CCDC102A: variants seen among roughly 807,000 people sequenced by gnomAD.
The protein encoded by CCDC102A is coiled-coil domain-containing protein 102A.
Under a neutral mutation model 55.5 loss-of-function variants are expected in CCDC102A, and 40 were observed. The observed-to-expected ratio is 0.72, with a 90% CI of 0.56 to 0.94. The LOEUF (loss-of-function observed/expected upper bound fraction) is 0.94. Among genes scored for constraint, CCDC102A ranks in the 40% least tolerant of loss-of-function variants. The pLI, the probability that CCDC102A is intolerant of heterozygous loss-of-function variation, is 0.00. For synonymous variants in CCDC102A, 323 were observed against 339.0 expected, an observed-to-expected ratio of 0.95 and a Z score of 0.52; for missense variants, 779 against 768.6, an observed-to-expected ratio of 1.01 and a Z score of -0.16.
chr16:57,517,508 T>C (rs1465031043), intron 6 of CCDC102A, among the ~76,000 whole-genome samples: 1 of 152,116 alleles, frequency 6.6e-6, no homozygotes, highest in Non-Finnish European at 1.5e-5. Context: ...AATGCTCGGC[T>C]AATTTTTGTA....
chr16:57,528,741 G>A lies in CCDC102A; in HGVS notation c.437C>T (p.Ala146Val), dbSNP rs1351856865. 2.1e-5 allele frequency: 25 copies of A among 1,171,684 alleles called. No individual in the cohort carries two copies. In the African/African-American group the frequency reaches 3.4e-4, roughly 16 times the overall value. The allele number at this position is 1,171,684 out of a possible 1,614,324, so 72.6% of individuals were successfully genotyped here. A position where few individuals can be genotyped will look rare whatever the true frequency, so the allele number is the denominator to read the frequency against. ...GCCCCGTGCCTCGCACTCGCCCTGC[G>A]CCTCTTGGCGCTCGCGCCGTGCGCC... is the stretch of plus-strand genomic sequence containing the variant. ...LAGARRERQE[A>V]QGECEARGRE... Residue 146 changes from alanine to valine, a missense_variant, in exon 2 of 9, where the codon GCG becomes GTG. By Grantham distance (64) the Ala-to-Val change is moderately conservative. Coordinates refer to ENST00000258214, the MANE Select transcript of CCDC102A (RefSeq NM_033212.4).
intron 2 of CCDC102A, 70 bp downstream of exon 2, chr16:57,528,523 C>A: frequency 9.5e-7 from 1 of 1,050,198 alleles, no homozygotes; most frequent in Non-Finnish European, 1.2e-6. Context: ...TTTCTGAGCC[C>A]AGCAGCTCAG....
At chr16:57,530,064 G>A (rs2032226856) in intron 1 of CCDC102A, among the ~76,000 whole-genome samples, 1 of 152,160 alleles carries the variant, frequency 6.6e-6, no homozygotes, top group Admixed American at 6.5e-5. Flanking sequence ...CTCTAGTAAG[G>A]ATTTGCTGAA....
At chr16:57,528,164 C>T (rs1358631153) in intron 2 of CCDC102A, among the ~76,000 whole-genome samples, 1 of 152,220 alleles carries the variant, frequency 6.6e-6, no homozygotes, top group African/African-American at 2.4e-5. Context: ...ATTCTAGTCT[C>T]AGCTTAAATG....
chr16:57,526,303 C>T (rs1380690976), intron 2 of CCDC102A, among the ~76,000 whole-genome samples, 176 bp from the exon 3 acceptor site: 1 of 152,228 alleles, frequency 6.6e-6, no homozygotes, highest in Non-Finnish European at 1.5e-5. Context: ...TCTGGGCCTC[C>T]CCTTTCACCT....
chr16:57,533,396 G>C (rs1307425633), intron 1 of CCDC102A, among the ~76,000 whole-genome samples: 1 of 151,922 alleles, frequency 6.6e-6, no homozygotes, highest in African/African-American at 2.4e-5. Context: ...ACCCTGCCTT[G>C]CAACGCCTCC....
At chr16:57,514,080 G>A (rs375438649) in intron 8 of CCDC102A, among the ~76,000 whole-genome samples, 2 of 152,200 alleles carry the variant, frequency 1.3e-5, no homozygotes, top group Admixed American at 1.3e-4. Context: ...TAGAAGCAGC[G>A]TGATGCTGAT....
rs1456954935 is a variant in CCDC102A, at chr16:57,512,629, T to G, written c.*112A>C. 6.8e-6 allele frequency: 9 copies of G among 1,332,414 alleles called. No individual in the cohort carries two copies. The highest frequency in any genetic ancestry group is 9.1e-6 in the Non-Finnish European group (9 of 984,466). 82.5% of individuals were successfully genotyped at this position (1,332,414 alleles called of 1,614,324 possible). On this transcript the variant is annotated 3_prime_UTR_variant, in exon 9 of 9. Coordinates refer to ENST00000258214, the MANE Select transcript of CCDC102A (RefSeq NM_033212.4). ...CCCTGGGAGAGAAGAAAGTCGGCTG[T>G]GGCAGGGACTGGTCCCAGAGTGAGC...
chr16:57,536,906 G>T (rs1490467104), upstream of CCDC102A, among the ~76,000 whole-genome samples: 1 of 152,136 alleles, frequency 6.6e-6, no homozygotes, highest in African/African-American at 2.4e-5. Flanking sequence ...AACGGCCACC[G>T]CGGGTCCCAG....
chr16:57,528,729 C>T lies in CCDC102A; in HGVS notation c.449G>A (p.Cys150Tyr). ...RRERQEAQGECEARGRELARL... is the reference protein window; with the variant it reads ...RRERQEAQGEYEARGRELARL... ...CGCCAGCTCGCGGCCCCGTGCCTCG[C>T]ACTCGCCCTGCGCCTCTTGGCGCTC... The change falls in exon 2 of 9, where the codon TGC (cysteine) becomes TAC (tyrosine). Residue 150 changes from cysteine to tyrosine, a missense_variant. Coordinates refer to ENST00000258214, the MANE Select transcript of CCDC102A (RefSeq NM_033212.4). The T allele has an allele frequency of 8.6e-7, 1 of 1,161,244 alleles. No homozygotes were observed. Among genetic ancestry groups the T allele is most frequent in the Admixed American group, 4.9e-5 (1 of 20,494 alleles). The allele number at this position is 1,161,244 out of a possible 1,614,324, so 71.9% of individuals were successfully genotyped here.
chr16:57,528,576 C>CG lies in CCDC102A; in HGVS notation c.585+16_585+17insC. The CG allele has an allele frequency of 8.2e-7, 1 of 1,226,346 alleles. No individual in the cohort carries two copies. The highest frequency in any genetic ancestry group is 1.0e-6 in the Non-Finnish European group (1 of 976,792). The allele number at this position is 1,226,346 out of a possible 1,614,324, so 76.0% of individuals were successfully genotyped here. A position where few individuals can be genotyped will look rare whatever the true frequency, so the allele number is the denominator to read the frequency against. On this transcript the variant is annotated intron_variant, in intron 2 of 8. Coordinates refer to ENST00000258214, the MANE Select transcript of CCDC102A (RefSeq NM_033212.4). ...ACTTCGAGACTGGAGCGCGAACGCC[C>CG]CGCCCGCGCCGCGCACCTGGCTGCC...
intron 3 of CCDC102A, 76 bp downstream of exon 3, chr16:57,525,825 T>A: frequency 7.6e-7 from 1 of 1,321,684 alleles, no homozygotes; most frequent in South Asian, 1.2e-5. Flanking sequence ...TTCGTGAGTC[T>A]AATGTTCTGT....
intron 1 of CCDC102A, among the ~76,000 whole-genome samples, chr16:57,532,928 G>T (rs184329519): frequency 0.021 from 3,164 of 152,316 alleles, 47 homozygotes; most frequent in Non-Finnish European, 0.03. Flanking sequence ...TGCAGCCGCT[G>T]AACTAGGAGC....
At chr16:57,533,492 C>T (rs1306267691) in intron 1 of CCDC102A, among the ~76,000 whole-genome samples, 1 of 151,150 alleles carries the variant, frequency 6.6e-6, no homozygotes, top group Non-Finnish European at 1.5e-5. Flanking sequence ...ACACACACAC[C>T]CCCAGGGACC....
chr16:57,512,923 A>G (rs1274609230), intron 8 of CCDC102A, 53 bp from the exon 9 acceptor site: 25 of 1,528,570 alleles, frequency 1.6e-5, no homozygotes, highest in South Asian at 2.3e-5. Context: ...TAGTCCCCCG[A>G]TAAGGTGGCT....
At position 57,512,824 on chromosome 16, in the gene CCDC102A, T is replaced by C. The variant is rs746386838; in HGVS notation, c.1570A>G (p.Ser524Gly). 1.1e-5 allele frequency: 17 copies of C among 1,614,076 alleles called. No homozygotes were observed. In the South Asian group the frequency reaches 1.9e-4, roughly 18 times the overall value. ...GCCTCCTCGGTGCCAAAGCGAGCAC[T>C]GCGGATCTTCCCGAAGAGGGGAGCG... ...QNAPLFGKIR[S>G]ARFGTEEAED... Residue 524 changes from serine (S) to glycine (G), a missense_variant, in exon 9 of 9, where the codon AGT (serine) becomes GGT (glycine). By Grantham distance (56) the Ser-to-Gly change is moderately conservative (BLOSUM62 0). Transcript: ENST00000258214.
chr16:57,536,080 T>C (rs1267231562), intron 1 of CCDC102A, among the ~76,000 whole-genome samples: 1 of 147,514 alleles, frequency 6.8e-6, no homozygotes, highest in East Asian at 2.2e-4. Context: ...ATGGCCCCCA[T>C]TGGCAGTCGC....
chr16:57,520,585 AC>A (rs1269849119), intron 4 of CCDC102A, among the ~76,000 whole-genome samples: 1 of 133,338 alleles, frequency 7.5e-6, no homozygotes, highest in Non-Finnish European at 1.6e-5. Flanking sequence ...ACATAACATA[AC>A]ATAACATAAA....
In CCDC102A at chr16:57,528,841, C is replaced by T; in HGVS notation, c.337G>A (p.Ala113Thr). The stretch of plus-strand genomic sequence containing the variant: ...TCCTCGCGCGCGCGGTTGCGCTCAG[C>T]GCGCACCTTGCTCCATTTCTCGCGC... ...NWREKWSKVR[A>T]ERNRAREEVR... The change falls in exon 2 of 9, where the codon GCT becomes ACT. Residue 113 changes from alanine to threonine, a missense_variant. Physicochemically the swap from Ala to Thr is moderately conservative, Grantham distance 58 (BLOSUM62 0). Transcript: ENST00000258214. 1.1e-5 allele frequency: 14 copies of T among 1,322,714 alleles called. No individual in the cohort carries two copies. The highest frequency in any genetic ancestry group is 1.4e-5 in the Non-Finnish European group (14 of 1,026,482). 81.9% of individuals were successfully genotyped at this position (1,322,714 alleles called of 1,614,324 possible).
Sources: allele counts gnomAD v4.1 joint callset (sites outside exome capture counted in the v4.1 genomes callset), GRCh38; gene constraint gnomAD v4.1.1; transcripts MANE v1.5; gene names NCBI Gene and HGNC (gene_info 2026-07-23, HGNC 2026-07-21).